The following UNC13B variants were observed in gnomAD, a reference collection of about 807,000 sequenced individuals.
UNC13B encodes the protein unc-13 homolog B.
In UNC13B, 144 loss-of-function variants were observed where a neutral mutation model predicts 211.0. The observed-to-expected ratio is 0.68, with a 90% CI of 0.60 to 0.78. UNC13B has a LOEUF of 0.78. Among genes scored for constraint, UNC13B ranks in the 30% least tolerant of loss-of-function variants. The probability of loss-of-function intolerance (pLI) is 0.00; values close to 1 mark genes in which losing one functional copy is unlikely to be tolerated. For synonymous variants in UNC13B, 709 were observed against 725.8 expected (o/e 0.98, Z 0.37); for missense variants, 1,777 against 2,002.0 (o/e 0.89, Z 2.14).
intron 20 of UNC13B, 149 bp from the exon 21 acceptor site, chr9:35,382,208 G>A (rs1834892618): frequency 9.7e-7 from 1 of 1,032,100 alleles, no homozygotes; most frequent in South Asian, 1.6e-5. Context: ...GCTGCCCCTA[G>A]AGCTGTGTGC....
chr9:35,322,791 T>C (rs1014561133), intron 11 of UNC13B, among the ~76,000 whole-genome samples: 1 of 152,052 alleles, frequency 6.6e-6, no homozygotes, highest in African/African-American at 2.4e-5. Context: ...CTTTCCATAA[T>C]CTTAAACTCT....
At chr9:35,391,583 G>A (rs778067561) in intron 26 of UNC13B, among the ~76,000 whole-genome samples, 4 of 152,180 alleles carry the variant, frequency 2.6e-5, no homozygotes, top group Admixed American at 2.0e-4. Context: ...CAGACTACAC[G>A]CATACATTCT....
At chr9:35,365,016 C>T (rs956050869) in intron 11 of UNC13B, among the ~76,000 whole-genome samples, 2 of 152,228 alleles carry the variant, frequency 1.3e-5, no homozygotes, top group Admixed American at 6.5e-5. Context: ...TTGCTGCAGG[C>T]ATTTCCTGCC....
intron 11 of UNC13B, among the ~76,000 whole-genome samples, chr9:35,354,465 G>A (rs561343643): frequency 6.6e-6 from 1 of 152,166 alleles, no homozygotes; most frequent in South Asian, 2.1e-4. Flanking sequence ...AGAGCCCAAC[G>A]TTGCCCTCCA....
intron 6 of UNC13B, among the ~76,000 whole-genome samples, chr9:35,247,246 A>T (rs1188784357): frequency 6.6e-6 from 1 of 152,046 alleles, no homozygotes; most frequent in Admixed American, 6.6e-5. Flanking sequence ...GCTTAAGGAG[A>T]TTTTGGGCTG....
intron 7 of UNC13B, among the ~76,000 whole-genome samples, chr9:35,274,300 C>G (rs1828050757): frequency 6.6e-6 from 1 of 152,088 alleles, no homozygotes; most frequent in Admixed American, 6.5e-5. Flanking sequence ...TCTCAAACTC[C>G]TGGCCTCAAG....
At chr9:35,329,812 T>C (rs890178479) in intron 11 of UNC13B, among the ~76,000 whole-genome samples, 1 of 152,300 alleles carries the variant, frequency 6.6e-6, no homozygotes, top group African/African-American at 2.4e-5. Context: ...CCACCCAGAC[T>C]GTTCTACTTT....
At chr9:35,291,372 C>T (rs2131777971) in intron 7 of UNC13B, among the ~76,000 whole-genome samples, 1 of 152,288 alleles carries the variant, frequency 6.6e-6, no homozygotes, top group African/African-American at 2.4e-5. Flanking sequence ...TTTTATTCCC[C>T]AGAGGCAAGT....
intron 16 of UNC13B, among the ~76,000 whole-genome samples, chr9:35,377,967 A>AG (rs1005526403): frequency 1.6e-5 from 2 of 123,716 alleles, no homozygotes; most frequent in African/African-American, 6.2e-5. Flanking sequence ...ATATTATAAG[A>AG]GGTGGGGGGA....
chr9:35,381,067 T>C, intron 18 of UNC13B, 33 bp from the exon 19 acceptor site: 1 of 1,593,282 alleles, frequency 6.3e-7, no homozygotes, highest in Non-Finnish European at 8.6e-7. Flanking sequence ...CTAGTTGCAT[T>C]GGTGTCAATC....
chr9:35,329,884 A>G (rs1392138999), intron 11 of UNC13B, among the ~76,000 whole-genome samples: 1 of 152,176 alleles, frequency 6.6e-6, no homozygotes, highest in Non-Finnish European at 1.5e-5. Context: ...AGGGTGGCAC[A>G]AGCCTCAGTA....
Position 35,243,280 on chromosome 9 carries a change from T to C in UNC13B, c.395-11T>C. On this transcript the variant is annotated splice_polypyrimidine_tract_variant and intron_variant, in intron 5 of 39. Transcript: ENST00000635942. ...TGATTTCTTTTCTTTTTCTTCTTTTTTTTATGGTAGATATCCCAGAGGAGG... is the reference window on the plus strand; with the variant it reads ...TGATTTCTTTTCTTTTTCTTCTTTTCTTTATGGTAGATATCCCAGAGGAGG... 1 of 1,612,820 alleles carries C rather than the reference T, an allele frequency of 6.2e-7. No individual in the cohort carries two copies.
intron 26 of UNC13B, among the ~76,000 whole-genome samples, chr9:35,392,713 A>C (rs1355106909): frequency 6.6e-6 from 1 of 151,998 alleles, no homozygotes; most frequent in Non-Finnish European, 1.5e-5. Context: ...TAGTGGGTGC[A>C]GTGCACCAGC....
intron 7 of UNC13B, 83 bp from the exon 8 acceptor site, chr9:35,295,610 CTTG>C: frequency 1.5e-6 from 2 of 1,331,462 alleles, no homozygotes; most frequent in Non-Finnish European, 2.1e-6. Flanking sequence ...AAGGTCCAGA[CTTG>C]TTACTACTAA....
In UNC13B at chr9:35,384,479, C is replaced by T. The variant is rs185264910; in HGVS notation, c.10875+165C>T. The T allele has an allele frequency of 4.1e-5, 40 of 985,424 alleles. No homozygotes were observed. The African/African-American group carries it at 6.8e-4, about 17-fold the overall frequency. 61.0% of individuals were successfully genotyped at this position (985,424 alleles called of 1,614,324 possible). ...ACTGACACCTGTGGTTCTTTTAACTCCAGGGACCATGTGGTGTATAAATAG... is the reference window on the plus strand; with the variant it reads ...ACTGACACCTGTGGTTCTTTTAACTTCAGGGACCATGTGGTGTATAAATAG... On this transcript the variant is annotated intron_variant, in intron 22 of 39. Transcript: ENST00000635942.
At chr9:35,177,034 C>A (rs1821673060) in intron 1 of UNC13B, among the ~76,000 whole-genome samples, 1 of 152,156 alleles carries the variant, frequency 6.6e-6, no homozygotes, top group Non-Finnish European at 1.5e-5. Context: ...AGGTGATCCA[C>A]CCGCCTCGGC....
intron 11 of UNC13B, among the ~76,000 whole-genome samples, chr9:35,360,007 A>C (rs756641423): frequency 1.6e-4 from 24 of 152,210 alleles, no homozygotes; most frequent in Non-Finnish European, 3.2e-4. Context: ...ACTTTATTGC[A>C]AATTTGCTGT....
rs367821018 is a variant in UNC13B at position 35,397,313 on chromosome 9, G to A, written c.11676+3G>A. ...ACTACATGAGGAGGTTTGCTAAGGT[G>A]ACCATAACTCTTCCTACTCCCTCCC... On this transcript the variant is annotated splice_donor_region_variant and intron_variant, in intron 29 of 39. Coordinates refer to ENST00000635942, the MANE Select transcript of UNC13B (RefSeq NM_001371189.2). 1.1e-4 allele frequency: 176 copies of A among 1,613,466 alleles called. No homozygotes were observed. Among genetic ancestry groups the A allele is most frequent in the Admixed American group, 1.8e-4 (11 of 59,998 alleles).
chr9:35,364,437 T>C, intron 11 of UNC13B: 1 of 1,244,676 alleles, frequency 8.0e-7, no homozygotes, highest in Non-Finnish European at 1.1e-6. Context: ...CCTCTCCCTC[T>C]CTTCCATGTC....
Sources: allele counts gnomAD v4.1 joint callset (sites outside exome capture counted in the v4.1 genomes callset), GRCh38; gene constraint gnomAD v4.1.1; transcripts MANE v1.5; gene names NCBI Gene and HGNC (gene_info 2026-07-23, HGNC 2026-07-21).